The following MBOAT2 variants were observed in gnomAD, a reference collection of about 807,000 sequenced individuals.
MBOAT2 encodes membrane-bound glycerophospholipid O-acyltransferase 2.
In MBOAT2, 28 loss-of-function variants were observed where a neutral mutation model predicts 63.4. That is an observed-to-expected ratio of 0.44 (90% confidence interval 0.33 to 0.61). The LOEUF is 0.61. MBOAT2 is among the 20% of genes least tolerant of loss of function. MBOAT2 has a pLI of 0.03. For missense variants in MBOAT2, 470 were observed against 605.8 expected (o/e 0.78, Z 2.35); for synonymous variants, 211 against 215.6 (o/e 0.98, Z 0.19).
chr2:8,880,111 T>C (rs955102569), intron 6 of MBOAT2, among the ~76,000 whole-genome samples: 2 of 151,892 alleles, frequency 1.3e-5, no homozygotes, highest in African/African-American at 4.8e-5. Context: ...TATAATCCAA[T>C]GCACATTAAA....
intron 5 of MBOAT2, among the ~76,000 whole-genome samples, chr2:8,883,444 A>G (rs1663299492): frequency 6.6e-6 from 1 of 152,230 alleles, no homozygotes; most frequent in Admixed American, 6.5e-5. Flanking sequence ...TCTTACTCAT[A>G]TAATACAATC....
chr2:8,892,581 G>C (rs564987535), intron 4 of MBOAT2, among the ~76,000 whole-genome samples: 5 of 152,192 alleles, frequency 3.3e-5, no homozygotes, highest in African/African-American at 4.8e-5. Flanking sequence ...AATTTATACT[G>C]TACTGGAGAG....
At chr2:8,892,997 T>A (rs1664119688) in intron 4 of MBOAT2, among the ~76,000 whole-genome samples, 2 of 148,406 alleles carry the variant, frequency 1.3e-5, no homozygotes, top group South Asian at 2.2e-4. Flanking sequence ...AAGAGTGACT[T>A]GGTTTTAAAA....
In MBOAT2 at chr2:8,905,776, CACATGTACCCTAGA is replaced by C. The variant is rs139336500; in HGVS notation, c.395+2831_395+2844del. 6.9e-3 allele frequency among the ~76,000 whole-genome samples: 1,049 copies of C among 152,204 alleles called. 12 individuals are homozygous for C. The highest frequency in any genetic ancestry group is 0.02 in the South Asian group (97 of 4,810). Reference sequence around the variant, plus strand: ...GTATGTAACAAACCTGCACGTTGTGCACATGTACCCTAGAACTTAAAGTATAATAATAAAAAAAG... The same window carrying C: ...GTATGTAACAAACCTGCACGTTGTGCACTTAAAGTATAATAATAAAAAAAG... On this transcript the variant is annotated intron_variant, in intron 4 of 12. Coordinates refer to ENST00000305997, the MANE Select transcript of MBOAT2 (RefSeq NM_138799.4).
At chr2:8,909,072 G>A (rs1448695028) in intron 3 of MBOAT2, among the ~76,000 whole-genome samples, 1 of 151,996 alleles carries the variant, frequency 6.6e-6, no homozygotes, top group African/African-American at 2.4e-5. Context: ...TTTGGCTAAG[G>A]TATACATTCA....
rs1387071211 is a variant in MBOAT2, at chr2:8,868,508, A to G, written c.925T>C (p.Tyr309His). 1.2e-6 allele frequency: 2 copies of G among 1,614,040 alleles called. No individual in the cohort carries two copies. Among genetic ancestry groups the G allele is most frequent in the South Asian group, 2.2e-5 (2 of 91,058 alleles). The change falls in exon 9 of 13, where the codon TAT becomes CAT. Residue 309 changes from tyrosine to histidine, a missense_variant. Around this residue, in one of 3 missense-constraint regions of MBOAT2, gnomAD observed 376 missense variants for 503.8 expected, o/e 0.75. Transcript: ENST00000305997. ...NNAAGFGFRGYDENGAARWDL... is the reference protein window; with the variant it reads ...NNAAGFGFRGHDENGAARWDL... ...CAGCGAGCTGCTCCATTTTCGTCAT[A>G]CCCTCTGAAACCAAAGCCTGCAGCA...
intron 1 of MBOAT2, among the ~76,000 whole-genome samples, chr2:8,964,573 T>C (rs1669856270): frequency 6.6e-6 from 1 of 152,048 alleles, no homozygotes; most frequent in Admixed American, 6.5e-5. Flanking sequence ...TTTATCTATG[T>C]TGATACACAT....
In MBOAT2 at chr2:8,852,876, G is replaced by T. The variant is rs1196561087; in HGVS notation, c.*5803C>A. The T allele has an allele frequency of 6.6e-6, 1 of 152,136 alleles. No homozygotes were observed. The allele number at this position is 152,136 out of a possible 1,614,324, so 9.4% of individuals were successfully genotyped here. ...ACATCTCAGTTTGACTGACACAGTG[G>T]GAGTTTTAATTTACCGTACATCAGG... On this transcript the variant is annotated 3_prime_UTR_variant, in exon 13 of 13. Transcript: ENST00000305997.
At chr2:8,888,964 G>C (rs1663774319) in intron 4 of MBOAT2, among the ~76,000 whole-genome samples, 1 of 152,164 alleles carries the variant, frequency 6.6e-6, no homozygotes, top group Non-Finnish European at 1.5e-5. Flanking sequence ...CAATTGACCA[G>C]AAGTTATTTA....
intron 3 of MBOAT2, among the ~76,000 whole-genome samples, chr2:8,938,947 C>T (rs1667860554): frequency 6.6e-6 from 1 of 152,202 alleles, no homozygotes; most frequent in Non-Finnish European, 1.5e-5. Context: ...GCTGGGTTAG[C>T]TATTTTTGTA....
chr2:8,993,998 C>A (rs575576391), intron 1 of MBOAT2, among the ~76,000 whole-genome samples: 1 of 152,320 alleles, frequency 6.6e-6, no homozygotes, highest in South Asian at 2.1e-4. Context: ...ACACCCACTA[C>A]GTGAACTACT....
chr2:8,914,404 T>C (rs1665998109), intron 3 of MBOAT2, among the ~76,000 whole-genome samples: 1 of 151,778 alleles, frequency 6.6e-6, no homozygotes, highest in African/African-American at 2.4e-5. Context: ...CTTTACTAAA[T>C]AGGACAGTAA....
At chr2:8,978,123 C>T (rs1670951112) in intron 1 of MBOAT2, among the ~76,000 whole-genome samples, 1 of 152,092 alleles carries the variant, frequency 6.6e-6, no homozygotes, top group Non-Finnish European at 1.5e-5. Context: ...AATCTCCGCT[C>T]CTTACTCTGC....
Position 9,003,656 on chromosome 2 carries a change from C to T in MBOAT2, c.-42G>A. On this transcript the variant is annotated 5_prime_UTR_variant, in exon 1 of 13. Transcript: ENST00000305997. The surrounding 1 kb of genome is among the most constrained non-coding windows in gnomAD (Gnocchi z 5.4). ...TCCGGCCGCCCGCGCCGCTCGCCCG[C>T]TCGCGCTGTGCCGGGCGACGACGAG... 1 of 1,119,668 alleles carries T rather than the reference C, an allele frequency of 8.9e-7. No homozygotes were observed. Among genetic ancestry groups the T allele is most frequent in the Non-Finnish European group, 1.1e-6 (1 of 915,248 alleles). 69.4% of individuals were successfully genotyped at this position (1,119,668 alleles called of 1,614,324 possible).
intron 6 of MBOAT2, among the ~76,000 whole-genome samples, chr2:8,880,782 G>A (rs1362894455): frequency 6.6e-6 from 1 of 152,220 alleles, no homozygotes. Context: ...CAGAAGAGTG[G>A]CCAACTGGCC....
chr2:8,871,455 C>A (rs1487253756), intron 8 of MBOAT2, among the ~76,000 whole-genome samples: 1 of 152,156 alleles, frequency 6.6e-6, no homozygotes, highest in Non-Finnish European at 1.5e-5. Context: ...TTCTATGAAT[C>A]TAGCGATTCA....
chr2:8,972,955 A>G (rs538235876), intron 1 of MBOAT2, among the ~76,000 whole-genome samples: 222 of 152,254 alleles, frequency 1.5e-3, no homozygotes, highest in African/African-American at 4.8e-3. Flanking sequence ...GTGGAAGACA[A>G]TGTGACGATT....
intron 1 of MBOAT2, among the ~76,000 whole-genome samples, chr2:8,998,609 CG>C (rs1041901490): frequency 1.5e-4 from 23 of 149,694 alleles, no homozygotes; most frequent in Admixed American, 8.8e-4. Context: ...AGGGGAAGAG[CG>C]GGGGGCGGGG....
At position 8,862,441 on chromosome 2, in the gene MBOAT2, T is replaced by A; in HGVS notation, c.1185+149A>T. On this transcript the variant is annotated intron_variant, in intron 11 of 12. Coordinates refer to ENST00000305997, the MANE Select transcript of MBOAT2 (RefSeq NM_138799.4). The surrounding 1 kb of genome is among the most constrained non-coding windows in gnomAD (Gnocchi z 4.3). ...GCCCGTGGTGAGCGCTCAGCAAACA[T>A]GCACGCAGTACACACCTCGCTTCTA... 2 of 1,305,878 alleles carry A rather than the reference T, an allele frequency of 1.5e-6. No homozygotes were observed. Among genetic ancestry groups the A allele is most frequent in the South Asian group, 1.4e-5 (1 of 71,042 alleles). The allele number at this position is 1,305,878 out of a possible 1,614,324, so 80.9% of individuals were successfully genotyped here.
Sources: gnomAD v4.1 joint callset for allele counts (sites outside exome capture counted in the v4.1 genomes callset) on GRCh38, gnomAD v4.1.1 for gene constraint, gnomAD v4.1.1 regional missense constraint, Gnocchi (gnomAD v3.1) non-coding constraint, MANE v1.5 for transcripts, NCBI Gene and HGNC (gene_info 2026-07-23, HGNC 2026-07-21) for gene names.